The following TTC6 variants were observed in gnomAD, a reference collection of about 807,000 sequenced individuals.
TTC6 encodes tetratricopeptide repeat domain 6, also known as tetratricopeptide repeat protein 6.
Under a neutral mutation model 210.4 loss-of-function variants are expected in TTC6, and 172 were observed. The observed-to-expected ratio is 0.82, with a 90% CI of 0.72 to 0.93. The LOEUF (loss-of-function observed/expected upper bound fraction) is 0.93, where lower values mean the gene tolerates loss of function less well. Ranked by LOEUF, TTC6 falls within the 40% of genes least tolerant of loss-of-function variation. The pLI is 0.00. For missense variants in TTC6, 2,414 were observed against 2,318.1 expected (o/e 1.04, Z -0.85); for synonymous variants, 804 against 819.6 (o/e 0.98, Z 0.32).
At chr14:37,639,174 C>G (rs560566332) in intron 1 of TTC6, among the ~76,000 whole-genome samples, 95 of 152,230 alleles carry the variant, frequency 6.2e-4, no homozygotes, top group South Asian at 2.9e-3. Context: ...TTTTCTTGGC[C>G]CTTTGCTTTT....
intron 1 of TTC6, among the ~76,000 whole-genome samples, chr14:37,628,914 T>A (rs1173250713): frequency 1.3e-5 from 2 of 152,152 alleles, no homozygotes; most frequent in African/African-American, 4.8e-5. Context: ...GTCAGATGGT[T>A]GTAGATGTGT....
At chr14:37,770,480 G>A (rs2096014478) in intron 14 of TTC6, among the ~76,000 whole-genome samples, 1 of 151,346 alleles carries the variant, frequency 6.6e-6, no homozygotes, top group African/African-American at 2.4e-5. Flanking sequence ...TATGAATCTG[G>A]GTGCTCCTGT....
chr14:37,768,426 C>T lies in TTC6; in HGVS notation c.3266+15191C>T, dbSNP rs1308442354. ...ATTTTCACGATATTGATTCTTCCTA[C>T]CCATGAGCATGGAATGTTCTTCCAT... is the stretch of plus-strand genomic sequence containing the variant. On this transcript the variant is annotated intron_variant, in intron 14 of 30. Transcript: ENST00000553443. 3.9e-5 allele frequency among the ~76,000 whole-genome samples: 6 copies of T among 151,994 alleles called. No individual in the cohort carries two copies. The East Asian group carries it at 7.7e-4, about 20-fold the overall frequency.
At chr14:37,743,266 T>C (rs728088) in intron 10 of TTC6, among the ~76,000 whole-genome samples, 100,791 of 152,118 alleles carry the variant, frequency 0.66, 33,961 homozygotes, top group East Asian at 0.89. Context: ...CAGTCCCCTC[T>C]TTTATCATGT....
chr14:37,613,271 T>C (rs972910285), intron 2 of TTC6, among the ~76,000 whole-genome samples: 5 of 152,116 alleles, frequency 3.3e-5, no homozygotes, highest in African/African-American at 9.6e-5. Context: ...GTGAATTATA[T>C]TGATTTGCAA....
At chr14:37,791,528 C>T (rs1350168141) in intron 16 of TTC6, among the ~76,000 whole-genome samples, 1 of 152,140 alleles carries the variant, frequency 6.6e-6, no homozygotes, top group Non-Finnish European at 1.5e-5. Flanking sequence ...AAACTTTGAA[C>T]TTGACACAGG....
At chr14:37,744,096 C>G (rs2095928932) in intron 10 of TTC6, among the ~76,000 whole-genome samples, 1 of 152,146 alleles carries the variant, frequency 6.6e-6, no homozygotes, top group Non-Finnish European at 1.5e-5. Context: ...GTTGGAGGGA[C>G]TGTAGTTAAA....
At chr14:37,768,104 T>C (rs956413012) in intron 14 of TTC6, among the ~76,000 whole-genome samples, 1 of 151,214 alleles carries the variant, frequency 6.6e-6, no homozygotes, top group African/African-American at 2.4e-5. Context: ...AAAGATGAGA[T>C]AGTTGTAGAT....
chr14:37,818,173 A>G (rs74048806), intron 26 of TTC6, among the ~76,000 whole-genome samples: 1,725 of 152,258 alleles, frequency 0.011, 36 homozygotes, highest in African/African-American at 0.039. Flanking sequence ...CACAATACGT[A>G]AAGCAAAATC....
chr14:37,840,833 A>G (rs2150320), intron 29 of TTC6, among the ~76,000 whole-genome samples: 129,647 of 151,266 alleles, frequency 0.86, 56,805 homozygotes, highest in Non-Finnish European at 0.95. Flanking sequence ...AGCTCTATAC[A>G]GGGATCTGGG....
At chr14:37,656,412 C>T (rs2076495963) in intron 1 of TTC6, among the ~76,000 whole-genome samples, 2 of 152,126 alleles carry the variant, frequency 1.3e-5, no homozygotes, top group South Asian at 4.1e-4. Flanking sequence ...CCTGTTTTAT[C>T]ATCTGGTGAG....
At chr14:37,630,994 C>T (rs2095668968) in intron 1 of TTC6, among the ~76,000 whole-genome samples, 1 of 124,774 alleles carries the variant, frequency 8.0e-6, no homozygotes, top group African/African-American at 3.1e-5. Flanking sequence ...TATTTTGAGC[C>T]TATATGTGTC....
chr14:37,831,048 T>C (rs1194952721), intron 29 of TTC6, among the ~76,000 whole-genome samples: 1 of 152,116 alleles, frequency 6.6e-6, no homozygotes, highest in African/African-American at 2.4e-5. Context: ...TGTATTTTTG[T>C]TCCCATTAGC....
chr14:37,787,889 C>CTCTG (rs71433929), intron 15 of TTC6, among the ~76,000 whole-genome samples: 8 of 147,222 alleles, frequency 5.4e-5, no homozygotes, highest in African/African-American at 2.0e-4. Flanking sequence ...GTGTGTGTGT[C>CTCTG]TGTGTGTGTG....
chr14:37,785,330 C>CT (rs879322594), intron 14 of TTC6, among the ~76,000 whole-genome samples: 10 of 152,102 alleles, frequency 6.6e-5, no homozygotes, highest in Non-Finnish European at 1.0e-4. Flanking sequence ...TCTTTTTACT[C>CT]TTTTTTCTCT....
intron 24 of TTC6, among the ~76,000 whole-genome samples, chr14:37,810,485 A>G (rs2096127490): frequency 6.6e-6 from 1 of 152,214 alleles, no homozygotes; most frequent in South Asian, 2.1e-4. Context: ...CAATCTGCTC[A>G]CTTTACAGAT....
chr14:37,655,311 A>G (rs11846287), intron 1 of TTC6, among the ~76,000 whole-genome samples: 2,364 of 152,342 alleles, frequency 0.016, 50 homozygotes, highest in African/African-American at 0.054. Flanking sequence ...ATAAAATTCT[A>G]GGAAAAAAAT....
chr14:37,770,030 A>C (rs1418481344), intron 14 of TTC6, among the ~76,000 whole-genome samples: 1 of 152,152 alleles, frequency 6.6e-6, no homozygotes, highest in Non-Finnish European at 1.5e-5. Context: ...TTCAAAGAAC[A>C]TCTTTATTTC....
chr14:37,757,088 G>T (rs2095970262), intron 14 of TTC6, among the ~76,000 whole-genome samples: 1 of 152,104 alleles, frequency 6.6e-6, no homozygotes, highest in Admixed American at 6.6e-5. Context: ...GAGGGGGTAT[G>T]TGTCCAGGAA....
Sources: allele counts gnomAD v4.1 joint callset (sites outside exome capture counted in the v4.1 genomes callset), GRCh38; gene constraint gnomAD v4.1.1; transcripts MANE v1.5; gene names NCBI Gene and HGNC (gene_info 2026-07-23, HGNC 2026-07-21).